The following ELP4 variants were observed in gnomAD, a reference collection of about 807,000 sequenced individuals.
ELP4 encodes elongator complex protein 4.
A neutral mutation model predicts 48.9 loss-of-function variants in ELP4; 51 were observed. The observed-to-expected ratio is 1.04, with a 90% CI of 0.83 to 1.32. The LOEUF (loss-of-function observed/expected upper bound fraction) is 1.32. ELP4 is among the 40% of genes most tolerant of loss of function. The pLI, the probability that ELP4 is intolerant of heterozygous loss-of-function variation, is 0.00. For synonymous variants in ELP4, 210 were observed against 189.2 expected (o/e 1.11, Z -0.90); for missense variants, 519 against 514.6 (o/e 1.01, Z -0.08).
intron 9 of ELP4, among the ~76,000 whole-genome samples, chr11:31,698,074 C>G (rs1021374805): frequency 6.6e-6 from 1 of 152,126 alleles, no homozygotes; most frequent in Non-Finnish European, 1.5e-5. Flanking sequence ...ATTTGAACAG[C>G]TGTTATATCC....
chr11:31,514,243 G>A (rs1956065149), intron 1 of ELP4, among the ~76,000 whole-genome samples: 1 of 152,152 alleles, frequency 6.6e-6, no homozygotes, highest in African/African-American at 2.4e-5. Context: ...TGGATTGCTT[G>A]AGCCTGGGAG....
chr11:31,521,418 A>G (rs1245258955), intron 2 of ELP4, among the ~76,000 whole-genome samples: 2 of 152,064 alleles, frequency 1.3e-5, no homozygotes, highest in Non-Finnish European at 2.9e-5. Context: ...AGTTAATCTG[A>G]TAACCAGGAC....
At chr11:31,691,520 G>C (rs1946280371) in intron 9 of ELP4, among the ~76,000 whole-genome samples, 1 of 151,968 alleles carries the variant, frequency 6.6e-6, no homozygotes, top group African/African-American at 2.4e-5. Context: ...GTTTAAAATT[G>C]ATTTAGTGTC....
intron 7 of ELP4, among the ~76,000 whole-genome samples, chr11:31,643,869 A>C (rs1035240727): frequency 1.3e-5 from 2 of 151,862 alleles, no homozygotes; most frequent in African/African-American, 4.8e-5. Context: ...AAGGTAGAAG[A>C]CTGGACAATC....
chr11:31,690,387 G>T (rs2134137393), intron 9 of ELP4, among the ~76,000 whole-genome samples: 1 of 151,778 alleles, frequency 6.6e-6, no homozygotes, highest in Admixed American at 6.6e-5. Context: ...TCTCAAATAA[G>T]GTTTGGTCAC....
chr11:31,577,488 C>A (rs1320657637), intron 3 of ELP4, among the ~76,000 whole-genome samples: 3 of 151,552 alleles, frequency 2.0e-5, no homozygotes, highest in South Asian at 2.1e-4. Context: ...ACAACAACAA[C>A]AAAAAAAGAT....
Position 31,509,950 on chromosome 11 carries a change from G to A in ELP4, c.166G>A (p.Val56Met). The change falls in exon 1 of 10, where the codon GTG becomes ATG. Residue 56 changes from valine (V) to methionine (M), a missense_variant. By Grantham distance (21) the Val-to-Met change is conservative. Transcript: ENST00000640961. ...GTCCATTGCGGGCACGCGACCGTCG[G>A]TGCGGAATGGACAGCTGCTGGTATC... ...LVSIAGTRPSVRNGQLLVSTG... is the reference protein window; with the variant it reads ...LVSIAGTRPSMRNGQLLVSTG... The A allele has an allele frequency of 1.2e-6, 2 of 1,613,328 alleles. No individual in the cohort carries two copies. Among genetic ancestry groups the A allele is most frequent in the Non-Finnish European group, 1.7e-6 (2 of 1,180,036 alleles).
intron 5 of ELP4, among the ~76,000 whole-genome samples, chr11:31,626,905 A>G (rs569784856): frequency 2.0e-5 from 3 of 152,030 alleles, no homozygotes; most frequent in African/African-American, 7.2e-5. Context: ...TGTCAGGAAC[A>G]CTGAGCAAGT....
At chr11:31,579,791 G>C (rs1342362931) in intron 3 of ELP4, among the ~76,000 whole-genome samples, 2 of 123,852 alleles carry the variant, frequency 1.6e-5, no homozygotes, top group Admixed American at 9.0e-5. Context: ...GTCATGGGGT[G>C]GGGGGAGGGG....
chr11:31,674,023 G>T (rs1018014715), intron 9 of ELP4, among the ~76,000 whole-genome samples: 2 of 152,098 alleles, frequency 1.3e-5, no homozygotes, highest in Non-Finnish European at 2.9e-5. Context: ...AGATTGCCTT[G>T]GTCCACAGGA....
chr11:31,655,607 G>A (rs917683611), intron 9 of ELP4, among the ~76,000 whole-genome samples: 4 of 151,944 alleles, frequency 2.6e-5, no homozygotes, highest in South Asian at 2.1e-4. Flanking sequence ...CTTAGGTCCG[G>A]TTGTTAATCT....
intron 7 of ELP4, among the ~76,000 whole-genome samples, chr11:31,639,686 G>A (rs1945051512): frequency 6.6e-6 from 1 of 151,738 alleles, no homozygotes; most frequent in African/African-American, 2.4e-5. Flanking sequence ...AATAAGAACA[G>A]GATATATTTT....
chr11:31,612,016 T>C (rs896227738), intron 5 of ELP4, among the ~76,000 whole-genome samples: 2 of 152,054 alleles, frequency 1.3e-5, no homozygotes, highest in South Asian at 4.2e-4. Context: ...GATGTGCTAA[T>C]AAAGGAAGGA....
intron 9 of ELP4, among the ~76,000 whole-genome samples, chr11:31,685,550 T>G (rs1331173242): frequency 6.6e-6 from 1 of 152,202 alleles, no homozygotes; most frequent in East Asian, 1.9e-4. Flanking sequence ...GAGTTGAAAC[T>G]TAACAGATTT....
chr11:31,714,416 C>G (rs188944519), intron 9 of ELP4, among the ~76,000 whole-genome samples: 75 of 152,260 alleles, frequency 4.9e-4, no homozygotes, highest in African/African-American at 1.8e-3. Flanking sequence ...GTGATGTTTA[C>G]TATATTTCAT....
intron 5 of ELP4, among the ~76,000 whole-genome samples, chr11:31,612,541 C>T (rs2134014913): frequency 6.6e-6 from 1 of 152,104 alleles, no homozygotes; most frequent in Non-Finnish European, 1.5e-5. Context: ...CGATTAAAAA[C>T]AGTGAACAAA....
chr11:31,644,871 G>A (rs939138600), intron 7 of ELP4, among the ~76,000 whole-genome samples: 18 of 151,764 alleles, frequency 1.2e-4, no homozygotes, highest in African/African-American at 4.1e-4. Context: ...CTAGAAGGTT[G>A]AATAAGTTTA....
intron 3 of ELP4, among the ~76,000 whole-genome samples, chr11:31,574,712 A>T (rs1957243794): frequency 6.6e-6 from 1 of 152,260 alleles, no homozygotes; most frequent in Non-Finnish European, 1.5e-5. Context: ...ACAGACCTGC[A>T]GCTGAGGATC....
chr11:31,754,078 C>T (rs1947783676), intron 9 of ELP4, among the ~76,000 whole-genome samples: 1 of 152,048 alleles, frequency 6.6e-6, no homozygotes, highest in African/African-American at 2.4e-5. Flanking sequence ...CACACATGCC[C>T]CAAATCTAGC....
Sources: allele counts gnomAD v4.1 joint callset (sites outside exome capture counted in the v4.1 genomes callset), GRCh38; gene constraint gnomAD v4.1.1; transcripts MANE v1.5; gene names NCBI Gene and HGNC (gene_info 2026-07-23, HGNC 2026-07-21).